Variants in AKAP13 observed in about 807,000 individuals in gnomAD.
The protein encoded by AKAP13 is A-kinase anchoring protein 13.
In AKAP13, 80 loss-of-function variants were observed where a neutral mutation model predicts 264.5. That is an observed-to-expected ratio of 0.30 (90% confidence interval 0.25 to 0.36). The LOEUF is 0.36. Ranked by LOEUF, AKAP13 falls within the 10% of genes least tolerant of loss-of-function variation. The pLI is 1.00. For synonymous variants in AKAP13, 1,380 were observed against 1,250.2 expected (o/e 1.10, Z -2.19); for missense variants, 3,712 against 3,435.2 (o/e 1.08, Z -2.01).
At chr15:85,539,072 C>T (rs1357870445) in intron 4 of AKAP13, among the ~76,000 whole-genome samples, 1 of 152,090 alleles carries the variant, frequency 6.6e-6, no homozygotes, top group Non-Finnish European at 1.5e-5. Flanking sequence ...ATCTCATGAT[C>T]CTCCCGCCTC....
At position 85,748,034 on chromosome 15, in the gene AKAP13, A is replaced by G. The variant is rs972732672; in HGVS notation, c.*3357A>G. ...CCCTGCCTTAGTAGAGGGTGGGACT[A>G]TAACCTTAGAGGCCAGAACTTGATC... On this transcript the variant is annotated 3_prime_UTR_variant, in exon 37 of 37. Transcript: ENST00000394518. The G allele has an allele frequency of 5.9e-5, 9 of 152,374 alleles. No homozygotes were observed. The highest frequency in any genetic ancestry group is 1.9e-4 in the African/African-American group (8 of 41,464). 9.4% of individuals were successfully genotyped at this position (152,374 alleles called of 1,614,324 possible). A position where few individuals can be genotyped will look rare whatever the true frequency, so the allele number is the denominator to read the frequency against.
chr15:85,659,298 T>C (rs11630286), intron 12 of AKAP13, among the ~76,000 whole-genome samples: 30,970 of 152,174 alleles, frequency 0.2, 4,185 homozygotes, highest in Middle Eastern at 0.42. Flanking sequence ...TTTAGAAAAA[T>C]ATTTAGAAAT....
At chr15:85,405,881 C>G (rs2071637897) in intron 1 of AKAP13, among the ~76,000 whole-genome samples, 2 of 152,072 alleles carry the variant, frequency 1.3e-5, no homozygotes, top group Admixed American at 6.5e-5. Context: ...GAGTCTTGCC[C>G]CATCGCCAAG....
At chr15:85,427,778 G>A (rs1241539584) in intron 1 of AKAP13, among the ~76,000 whole-genome samples, 1 of 152,178 alleles carries the variant, frequency 6.6e-6, no homozygotes, top group African/African-American at 2.4e-5. Context: ...GCTTTTAGTT[G>A]ACCATAATAA....
chr15:85,504,654 T>C (rs1212321530), intron 2 of AKAP13, among the ~76,000 whole-genome samples: 3 of 144,404 alleles, frequency 2.1e-5, no homozygotes, highest in Non-Finnish European at 4.5e-5. Context: ...GTCGCACCAC[T>C]GTACTCCAGC....
chr15:85,653,650 AT>A (rs1393041088), intron 10 of AKAP13, among the ~76,000 whole-genome samples: 1 of 152,070 alleles, frequency 6.6e-6, no homozygotes, highest in African/African-American at 2.4e-5. Flanking sequence ...GATTTTCATA[AT>A]TTTTTTCTCT....
intron 23 of AKAP13, 36 bp from the exon 24 acceptor site, chr15:85,721,955 C>A: frequency 6.2e-7 from 1 of 1,611,572 alleles, no homozygotes. Context: ...GAGTTTGGCG[C>A]CCCATGGCAT....
chr15:85,483,923 C>T (rs1370887363), intron 1 of AKAP13, among the ~76,000 whole-genome samples: 4 of 152,178 alleles, frequency 2.6e-5, no homozygotes, highest in Non-Finnish European at 5.9e-5. Flanking sequence ...CACAATTCTT[C>T]TTCTTCCAGC....
At chr15:85,707,027 T>G (rs1194985626) in intron 17 of AKAP13, among the ~76,000 whole-genome samples, 1 of 152,168 alleles carries the variant, frequency 6.6e-6, no homozygotes, top group Non-Finnish European at 1.5e-5. Context: ...AACTGGTGAG[T>G]TGATGTAGAC....
intron 12 of AKAP13, among the ~76,000 whole-genome samples, chr15:85,662,864 C>T (rs182375893): frequency 2.4e-4 from 35 of 147,628 alleles, no homozygotes; most frequent in African/African-American, 6.5e-4. Flanking sequence ...GACTCCTCAT[C>T]GTTTCATATT....
At chr15:85,742,559 TC>T (rs1349268288) in intron 35 of AKAP13, among the ~76,000 whole-genome samples, 4 of 152,244 alleles carry the variant, frequency 2.6e-5, no homozygotes, top group African/African-American at 9.6e-5. Context: ...ACAGCTGCAC[TC>T]TGCATAGTTC....
At position 85,728,243 on chromosome 15, in the gene AKAP13, G is replaced by A. The variant is rs184523581; in HGVS notation, c.7087+780G>A. Among the ~76,000 whole-genome samples the A allele has an allele frequency of 1.0e-3, 152 of 152,312 alleles. 1 individual carries two copies. Among genetic ancestry groups the A allele is most frequent in the African/African-American group, 3.2e-3 (135 of 41,554 alleles). On this transcript the variant is annotated intron_variant, in intron 29 of 36. Transcript: ENST00000394518. The stretch of plus-strand genomic sequence containing the variant: ...TCGAATGTTTCAAAGTAAAGACTAT[G>A]CTTTGGATAGAAATAAGGCTTAGAG...
At chr15:85,740,784 C>G (rs1224584398) in intron 34 of AKAP13, among the ~76,000 whole-genome samples, 1 of 129,884 alleles carries the variant, frequency 7.7e-6, no homozygotes, top group East Asian at 2.6e-4. Flanking sequence ...CACCCCCCCC[C>G]CCACCCCAGG....
At chr15:85,416,827 C>A (rs1384564583) in intron 1 of AKAP13, among the ~76,000 whole-genome samples, 1 of 152,142 alleles carries the variant, frequency 6.6e-6, no homozygotes, top group Non-Finnish European at 1.5e-5. Context: ...CTCCTTTTCC[C>A]TGCCCATTAA....
chr15:85,396,728 G>C (rs140420075), intron 1 of AKAP13, among the ~76,000 whole-genome samples: 7 of 152,122 alleles, frequency 4.6e-5, no homozygotes, highest in Non-Finnish European at 8.8e-5. Context: ...AAGCAAATGA[G>C]TGCTGAGTAG....
chr15:85,659,239 C>T (rs575887846), intron 12 of AKAP13, among the ~76,000 whole-genome samples: 1 of 152,318 alleles, frequency 6.6e-6, no homozygotes, highest in South Asian at 2.1e-4. Context: ...TAATTTGCTT[C>T]AAATTTTCCG....
chr15:85,507,130 A>G (rs1421885623), intron 2 of AKAP13, among the ~76,000 whole-genome samples: 2 of 152,130 alleles, frequency 1.3e-5, no homozygotes, highest in Non-Finnish European at 1.5e-5. Context: ...AGCACCTGTT[A>G]TATCACTGTA....
intron 1 of AKAP13, among the ~76,000 whole-genome samples, chr15:85,444,042 T>C (rs1394524193): frequency 1.3e-5 from 2 of 152,214 alleles, no homozygotes; most frequent in Non-Finnish European, 2.9e-5. Flanking sequence ...CAGGAATTTT[T>C]ATCCTAGTGA....
intron 19 of AKAP13, among the ~76,000 whole-genome samples, chr15:85,711,028 T>G (rs932245944): frequency 2.0e-5 from 3 of 152,070 alleles, no homozygotes; most frequent in African/African-American, 4.8e-5. Flanking sequence ...TTTTTATTAT[T>G]TTTTTGAGAC....
Sources: allele counts gnomAD v4.1 joint callset (sites outside exome capture counted in the v4.1 genomes callset), GRCh38; gene constraint gnomAD v4.1.1; transcripts MANE v1.5; gene names NCBI Gene and HGNC (gene_info 2026-07-23, HGNC 2026-07-21).